MCPH1: variants seen among roughly 807,000 people sequenced by gnomAD.
The protein encoded by MCPH1 is microcephalin 1.
In MCPH1, 104 loss-of-function variants were observed where a neutral mutation model predicts 84.5. The observed-to-expected ratio is 1.23, with a 90% CI of 1.05 to 1.45. MCPH1 has a LOEUF of 1.45. MCPH1 is among the 40% of genes most tolerant of loss of function. The pLI, the probability that MCPH1 is intolerant of heterozygous loss-of-function variation, is 0.00. For missense variants in MCPH1, 1,498 were observed against 1,005.7 expected (o/e 1.49, Z -6.62); for synonymous variants, 514 against 366.8 (o/e 1.40, Z -4.58).
chr8:6,594,821 A>C (rs560168536), intron 12 of MCPH1, among the ~76,000 whole-genome samples: 37 of 152,318 alleles, frequency 2.4e-4, no homozygotes, highest in African/African-American at 8.7e-4. Flanking sequence ...AAATTACAGC[A>C]TGTGGAAAGA....
Position 6,600,982 on chromosome 8 carries a change from C to T in MCPH1, c.2215-20472C>T, listed in dbSNP as rs543449197. ...CAGTGCAGAGGCAGATGACAAGGGC[C>T]ATTACGGGGTCACCAAGGGAGGAAA... On this transcript the variant is annotated intron_variant, in intron 12 of 13. Transcript: ENST00000344683. 3.3e-5 allele frequency among the ~76,000 whole-genome samples: 5 copies of T among 152,282 alleles called. No homozygotes were observed. The South Asian group carries it at 1.0e-3, about 32-fold the overall frequency.
At chr8:6,479,513 C>T (rs1454761406) in intron 10 of MCPH1, among the ~76,000 whole-genome samples, 1 of 151,802 alleles carries the variant, frequency 6.6e-6, no homozygotes, top group Non-Finnish European at 1.5e-5. Context: ...CCTCCCACTG[C>T]AAGCTCCACC....
At chr8:6,619,881 G>A (rs900094368) in intron 12 of MCPH1, among the ~76,000 whole-genome samples, 2 of 152,216 alleles carry the variant, frequency 1.3e-5, no homozygotes, top group Non-Finnish European at 2.9e-5. Flanking sequence ...ACCGTGCCCG[G>A]CCAGATACTT....
rs537437401 is a variant in MCPH1, at chr8:6,593,024, C to G, written c.2215-28430C>G. 5.3e-5 allele frequency among the ~76,000 whole-genome samples: 8 copies of G among 151,370 alleles called. No homozygotes were observed. The East Asian group carries it at 1.4e-3, about 26-fold the overall frequency. The stretch of plus-strand genomic sequence containing the variant: ...AATAAACACAGAGCTTTATTCCTGC[C>G]TCAGTCAAATTGCTGCTTCAAGGCC... On this transcript the variant is annotated intron_variant, in intron 12 of 13. Coordinates refer to ENST00000344683, the MANE Select transcript of MCPH1 (RefSeq NM_024596.5).
At chr8:6,476,889 A>G (rs958016502) in intron 9 of MCPH1, among the ~76,000 whole-genome samples, 1 of 152,236 alleles carries the variant, frequency 6.6e-6, no homozygotes, top group Non-Finnish European at 1.5e-5. Flanking sequence ...ACACTCCTAT[A>G]GAGTGAACAT....
chr8:6,517,574 A>C (rs973243417), intron 12 of MCPH1, among the ~76,000 whole-genome samples: 1 of 152,232 alleles, frequency 6.6e-6, no homozygotes, highest in African/African-American at 2.4e-5. Context: ...AAATGAGTGC[A>C]GAATCGGGTC....
intron 9 of MCPH1, among the ~76,000 whole-genome samples, chr8:6,462,492 A>C (rs1395169832): frequency 6.6e-6 from 1 of 152,242 alleles, no homozygotes; most frequent in Non-Finnish European, 1.5e-5. Context: ...TGGAATCATC[A>C]TCATGTACTT....
chr8:6,606,483 C>T (rs760312382), intron 12 of MCPH1, among the ~76,000 whole-genome samples: 21 of 152,196 alleles, frequency 1.4e-4, no homozygotes, highest in Non-Finnish European at 2.5e-4. Flanking sequence ...AGCAAGGTCC[C>T]TGTCCTAGTT....
At chr8:6,509,046 GTCCTTTAAGGTGAA>G in intron 12 of MCPH1, 1 of 1,613,996 alleles carries the variant, frequency 6.2e-7, no homozygotes, top group Non-Finnish European at 8.5e-7. Flanking sequence ...GTCCCTGTAA[GTCCTTTAAGGTGAA>G]TCCTGTAAGC....
Position 6,506,904 on chromosome 8 carries a change from T to C in MCPH1, c.2214+6975T>C, listed in dbSNP as rs560079842. Reference sequence around the variant, plus strand: ...TCCTCCTTTTGACTGTTAATGATGCTTTTTTTTTTTGAGACGGAGTCTCAC... The same window carrying C: ...TCCTCCTTTTGACTGTTAATGATGCCTTTTTTTTTTGAGACGGAGTCTCAC... On this transcript the variant is annotated intron_variant, in intron 12 of 13. Transcript: ENST00000344683. Among the ~76,000 whole-genome samples the C allele has an allele frequency of 3.7e-4, 55 of 147,000 alleles. No homozygotes were observed. In the South Asian group the frequency reaches 0.011, roughly 30 times the overall value.
chr8:6,449,483 AT>A (rs1378424428), intron 8 of MCPH1, among the ~76,000 whole-genome samples: 1 of 152,098 alleles, frequency 6.6e-6, no homozygotes, highest in African/African-American at 2.4e-5. Flanking sequence ...AAATTACAAA[AT>A]TAGCCAGGCG....
At chr8:6,469,678 C>G (rs952494472) in intron 9 of MCPH1, among the ~76,000 whole-genome samples, 1 of 151,978 alleles carries the variant, frequency 6.6e-6, no homozygotes, top group South Asian at 2.1e-4. Flanking sequence ...ATAGCTAAAC[C>G]CAAAAGATTT....
rs539874305 is a variant in MCPH1, at chr8:6,531,758, C to A, written c.2214+31829C>A. Among the ~76,000 whole-genome samples the A allele has an allele frequency of 3.5e-4, 53 of 151,534 alleles. No homozygotes were observed. The South Asian group carries it at 7.7e-3, about 22-fold the overall frequency. ...TGTGATGCATTTATTTGGTTAGTGGCGGACCTGGAGCCATGGCAGCGCTCA... is the reference window on the plus strand; with the variant it reads ...TGTGATGCATTTATTTGGTTAGTGGAGGACCTGGAGCCATGGCAGCGCTCA... On this transcript the variant is annotated intron_variant, in intron 12 of 13. Coordinates refer to ENST00000344683, the MANE Select transcript of MCPH1 (RefSeq NM_024596.5).
rs372559737 is a variant in MCPH1 at position 6,505,754 on chromosome 8, G to A, written c.2214+5825G>A. Among the ~76,000 whole-genome samples the A allele has an allele frequency of 2.9e-3, 364 of 124,800 alleles. 1 individual carries two copies. Among genetic ancestry groups the A allele is most frequent in the African/African-American group, 0.01 (337 of 32,564 alleles). 81.9% of individuals were successfully genotyped at this position (124,800 alleles called of 152,430 possible). A position where few individuals can be genotyped will look rare whatever the true frequency, so the allele number is the denominator to read the frequency against. On this transcript the variant is annotated intron_variant, in intron 12 of 13. Transcript: ENST00000344683. The stretch of plus-strand genomic sequence containing the variant: ...TTCTATATATATTCTTTATATATAC[G>A]TATATATAGAATATATATATTCTTT...
At chr8:6,421,898 G>C (rs1225596206) in intron 3 of MCPH1, among the ~76,000 whole-genome samples, 2 of 152,108 alleles carry the variant, frequency 1.3e-5, no homozygotes, top group Non-Finnish European at 2.9e-5. Context: ...TCTGCCTTTA[G>C]TTCTTGGCCT....
rs866221889 is a variant in MCPH1, at chr8:6,621,684, G to A, written c.2445G>A (p.Trp815Ter). Residue 815 changes from tryptophan to a stop codon, truncating the protein, a stop_gained, in exon 13 of 14, where the codon TGG (tryptophan) becomes TGA (stop). Coordinates refer to ENST00000344683, the MANE Select transcript of MCPH1 (RefSeq NM_024596.5). LOFTEE classifies it high-confidence loss of function. ...KATVKYLSEK[W>*]VLDSITQHKV... ...CAGTCAAGTATCTGTCTGAGAAATG[G>A]GTCTTAGGTAAGAATCCAGGCACAC... 6.2e-7 allele frequency: 1 copy of A among 1,614,150 alleles called. No individual in the cohort carries two copies. Among genetic ancestry groups the A allele is most frequent in the Non-Finnish European group, 8.5e-7 (1 of 1,180,040 alleles).
At chr8:6,527,600 A>G in intron 12 of MCPH1, 2 of 1,613,994 alleles carry the variant, frequency 1.2e-6, no homozygotes, top group Non-Finnish European at 1.7e-6. Context: ...CTGGTCCAAA[A>G]TCTGTTTTTC....
chr8:6,519,763 G>A (rs1816955793), intron 12 of MCPH1: 1 of 1,449,652 alleles, frequency 6.9e-7, no homozygotes, highest in Non-Finnish European at 9.4e-7. Flanking sequence ...GTGTGAGGCT[G>A]GGGAAGATCT....
chr8:6,583,027 T>G (rs1827680749), intron 12 of MCPH1, among the ~76,000 whole-genome samples: 1 of 152,208 alleles, frequency 6.6e-6, no homozygotes, highest in Non-Finnish European at 1.5e-5. Flanking sequence ...TTCATCACAT[T>G]GAAATCGAGT....
Sources: allele counts gnomAD v4.1 joint callset (sites outside exome capture counted in the v4.1 genomes callset), GRCh38; gene constraint gnomAD v4.1.1; transcripts MANE v1.5; gene names NCBI Gene and HGNC (gene_info 2026-07-23, HGNC 2026-07-21).